EPGN: variants seen among roughly 807,000 people sequenced by gnomAD.
EPGN encodes the protein epigen.
Under a neutral mutation model 20.7 loss-of-function variants are expected in EPGN, and 21 were observed. The observed-to-expected ratio is 1.01, with a 90% CI of 0.72 to 1.46. EPGN has a LOEUF of 1.46. Among genes scored for constraint, EPGN ranks in the 40% most tolerant of loss-of-function variants. The pLI is 0.00. For synonymous variants in EPGN, 69 were observed against 63.8 expected (o/e 1.08, Z -0.39); for missense variants, 199 against 180.7 (o/e 1.10, Z -0.58).
chr4:74,316,336 C>G lies in EPGN; in HGVS notation c.*1699C>G, dbSNP rs773248945. Among the ~76,000 whole-genome samples, 12 of 149,380 alleles carry G rather than the reference C, an allele frequency of 8.0e-5. No homozygotes were observed. Among genetic ancestry groups the G allele is most frequent in the Non-Finnish European group, 1.8e-4 (12 of 67,250 alleles). On this transcript the variant is annotated 3_prime_UTR_variant, in exon 5 of 5. Coordinates refer to ENST00000413830, the MANE Select transcript of EPGN (RefSeq NM_001270989.2). ...CTAAAACAATGGACTCTTTTTTTTT[C>G]CATTTGTGATGTAGATAAGCAAGAC...
chr4:74,309,033 C>G, intron 1 of EPGN, 60 bp from the exon 2 acceptor site: 1 of 1,203,152 alleles, frequency 8.3e-7, no homozygotes, highest in East Asian at 2.3e-5. Context: ...TACTTTCCAT[C>G]TGTTGCTTGT....
In EPGN at chr4:74,315,479, A is replaced by G. The variant is rs937496722; in HGVS notation, c.*842A>G. On this transcript the variant is annotated 3_prime_UTR_variant, in exon 5 of 5. Coordinates refer to ENST00000413830, the MANE Select transcript of EPGN (RefSeq NM_001270989.2). ...CATTCATTTGGACCGAAATCCTGGA[A>G]GTCTCCTACTGAATAAAAGTCTACA... Among the ~76,000 whole-genome samples the G allele has an allele frequency of 2.0e-5, 3 of 152,170 alleles. No homozygotes were observed. The highest frequency in any genetic ancestry group is 4.4e-5 in the Non-Finnish European group (3 of 68,022).
chr4:74,316,491 C>T lies in EPGN; in HGVS notation c.*1854C>T, dbSNP rs1254928586. Among the ~76,000 whole-genome samples, 1 of 152,196 alleles carries T rather than the reference C, an allele frequency of 6.6e-6. No homozygotes were observed. Among genetic ancestry groups the T allele is most frequent in the African/African-American group, 2.4e-5 (1 of 41,456 alleles). On this transcript the variant is annotated 3_prime_UTR_variant, in exon 5 of 5. Coordinates refer to ENST00000413830, the MANE Select transcript of EPGN (RefSeq NM_001270989.2). ...TTCCTAAACCAAACTTAAAATTCTG[C>T]TTTCCTTTGAGTAGAAGGTATTTAA...
chr4:74,308,492 G>C lies in EPGN; in HGVS notation c.-42G>C, dbSNP rs775708748. ...CTCAATAAAAACCTTCCACCCGTCA[G>C]TCTAGAAGGATAAGAGAAAGAAAGT... On this transcript the variant is annotated 5_prime_UTR_variant, in exon 1 of 5. Transcript: ENST00000413830. 1 of 1,572,836 alleles carries C rather than the reference G, an allele frequency of 6.4e-7. No homozygotes were observed. Among genetic ancestry groups the C allele is most frequent in the South Asian group, 1.1e-5 (1 of 87,682 alleles).
chr4:74,313,269 T>C, intron 4 of EPGN, 99 bp downstream of exon 4: 4 of 1,431,214 alleles, frequency 2.8e-6, no homozygotes, highest in Non-Finnish European at 3.6e-6. Flanking sequence ...TGTAAAATTT[T>C]TTTAATTAAA....
chr4:74,310,085 A>T (rs935557731), intron 2 of EPGN, among the ~76,000 whole-genome samples: 1 of 152,238 alleles, frequency 6.6e-6, no homozygotes, highest in Non-Finnish European at 1.5e-5. Flanking sequence ...AATGTGGGTT[A>T]TAGAATAACT....
Position 74,308,477 on chromosome 4 carries a change from A to G in EPGN, c.-57A>G, listed in dbSNP as rs964837339. On this transcript the variant is annotated 5_prime_UTR_variant, in exon 1 of 5. Transcript: ENST00000413830. Reference sequence around the variant, plus strand: ...CAAAGACTCAGAGAGCTCAATAAAAACCTTCCACCCGTCAGTCTAGAAGGA... The same window carrying G: ...CAAAGACTCAGAGAGCTCAATAAAAGCCTTCCACCCGTCAGTCTAGAAGGA... The G allele has an allele frequency of 2.1e-6, 3 of 1,434,286 alleles. No homozygotes were observed. The highest frequency in any genetic ancestry group is 1.3e-5 in the South Asian group (1 of 79,214). 88.8% of individuals were successfully genotyped at this position (1,434,286 alleles called of 1,614,324 possible).
intron 3 of EPGN, 56 bp from the exon 4 acceptor site, chr4:74,312,962 A>T: frequency 3.7e-6 from 5 of 1,336,568 alleles, no homozygotes; most frequent in Non-Finnish European, 5.1e-6. Flanking sequence ...GAAACAGGTT[A>T]TTTGTATTTC....
chr4:74,315,605 G>A lies in EPGN; in HGVS notation c.*968G>A, dbSNP rs1751233565. The stretch of plus-strand genomic sequence containing the variant: ...TATCATTTTTGAACACTTGTTAACA[G>A]ATTTGCACATAGAGGGAGAGAAAAA... On this transcript the variant is annotated 3_prime_UTR_variant, in exon 5 of 5. Transcript: ENST00000413830. Among the ~76,000 whole-genome samples the A allele has an allele frequency of 1.3e-5, 2 of 152,080 alleles. No homozygotes were observed. The highest frequency in any genetic ancestry group is 4.1e-4 in the South Asian group (2 of 4,828).
intron 4 of EPGN, 87 bp from the exon 5 acceptor site, chr4:74,314,493 C>A (rs2110358163): frequency 4.5e-6 from 6 of 1,330,406 alleles, no homozygotes; most frequent in Non-Finnish European, 6.2e-6. Flanking sequence ...ACACCAAGAG[C>A]AACTGCTGCA....
rs747900625 is a variant in EPGN, at chr4:74,314,597, C to A, written c.425C>A (p.Ser142Ter). 6.5e-6 allele frequency: 10 copies of A among 1,535,838 alleles called. No individual in the cohort carries two copies. The East Asian group carries it at 2.4e-4, about 38-fold the overall frequency. The change falls in exon 5 of 5, where the codon TCG (serine) becomes TAG (stop). Residue 142 changes from serine to a stop codon, truncating the protein, a stop_gained. Transcript: ENST00000413830. LOFTEE classifies it high-confidence loss of function. ...TGTTTCAGGTGTCTAAAATTGAAAT[C>A]GCCTTACAATGTCTGTTCTGGAGAA... is the stretch of plus-strand genomic sequence containing the variant. ...YIRKRCLKLK[S>*]PYNVCSGERR...
intron 4 of EPGN, chr4:74,314,128 G>C: frequency 2.2e-6 from 1 of 456,842 alleles, no homozygotes; most frequent in South Asian, 1.5e-5. Context: ...CTTTATTTTA[G>C]GTGAAACCTG....
rs1751258488 is a variant in EPGN at position 74,316,080 on chromosome 4, C to T, written c.*1443C>T. ...CATCTTCTACAAGGCCCTCTTAGCT[C>T]TAAAACTTGACAGTGGAATAAGGAA... On this transcript the variant is annotated 3_prime_UTR_variant, in exon 5 of 5. Transcript: ENST00000413830. Among the ~76,000 whole-genome samples, 2 of 152,036 alleles carry T rather than the reference C, an allele frequency of 1.3e-5. No homozygotes were observed. The highest frequency in any genetic ancestry group is 2.9e-5 in the Non-Finnish European group (2 of 68,018).
At position 74,314,904 on chromosome 4, in the gene EPGN, T is replaced by G; in HGVS notation, c.*267T>G. On this transcript the variant is annotated 3_prime_UTR_variant, in exon 5 of 5. Coordinates refer to ENST00000413830, the MANE Select transcript of EPGN (RefSeq NM_001270989.2). ...TGGGTTTTTTGTTGTTGTGTGGTTATTATTCTCACTACAGAAAGACTGAGT... is the reference window on the plus strand; with the variant it reads ...TGGGTTTTTTGTTGTTGTGTGGTTAGTATTCTCACTACAGAAAGACTGAGT... 2.1e-6 allele frequency: 1 copy of G among 472,790 alleles called. No individual in the cohort carries two copies. The highest frequency in any genetic ancestry group is 2.7e-5 in the South Asian group (1 of 37,242). 29.3% of individuals were successfully genotyped at this position (472,790 alleles called of 1,614,324 possible). A position where few individuals can be genotyped will look rare whatever the true frequency, so the allele number is the denominator to read the frequency against.
In EPGN at chr4:74,312,246, C is replaced by T. The variant is rs200559518; in HGVS notation, c.195C>T (p.Asn65=). ...KFSHLCLEDH[N]SYCINGACAF... is the part of the protein sequence containing the mutation. ...CACACCTTTGCCTGGAAGATCATAA[C>T]AGTTACTGCATCAACGGTGCTTGTG... The change falls in exon 3 of 5, where the codon AAC becomes AAT. Residue 65 remains asparagine (N), a synonymous_variant. Coordinates refer to ENST00000413830, the MANE Select transcript of EPGN (RefSeq NM_001270989.2). The T allele has an allele frequency of 1.4e-5, 22 of 1,613,368 alleles. No individual in the cohort carries two copies. The highest frequency in any genetic ancestry group is 3.3e-5 in the South Asian group (3 of 91,010).
chr4:74,313,599 G>A (rs1054568557), intron 4 of EPGN: 8 of 1,011,594 alleles, frequency 7.9e-6, no homozygotes, highest in East Asian at 1.9e-4. Context: ...GAATAAAAAT[G>A]TATGACAAAC....
chr4:74,313,631 G>A (rs946200670), intron 4 of EPGN: 124 of 994,230 alleles, frequency 1.2e-4, no homozygotes, highest in Non-Finnish European at 1.4e-4. Flanking sequence ...CTTCCCAGAC[G>A]TCAACTGGGG....
Position 74,314,740 on chromosome 4 carries a change from G to A in EPGN, c.*103G>A, listed in dbSNP as rs372798653. 2.7e-5 allele frequency: 27 copies of A among 1,007,724 alleles called. No homozygotes were observed. Among genetic ancestry groups the A allele is most frequent in the South Asian group, 9.0e-5 (6 of 66,712 alleles). The allele number at this position is 1,007,724 out of a possible 1,614,324, so 62.4% of individuals were successfully genotyped here. ...AAAACTTGTCAAGCTGACTAGACTC[G>A]AAAATAATGAAAGTTGGGATCACAA... On this transcript the variant is annotated 3_prime_UTR_variant, in exon 5 of 5. Transcript: ENST00000413830.
chr4:74,313,617 A>G (rs1751110648), intron 4 of EPGN: 1 of 999,816 alleles, frequency 1.0e-6, no homozygotes, highest in Non-Finnish European at 1.2e-6. Flanking sequence ...AACATTGGCC[A>G]TTTCTTCCCA....
Sources: gnomAD v4.1 joint callset for allele counts (sites outside exome capture counted in the v4.1 genomes callset) on GRCh38, gnomAD v4.1.1 for gene constraint, MANE v1.5 for transcripts, NCBI Gene and HGNC (gene_info 2026-07-23, HGNC 2026-07-21) for gene names.